Variants in MYO3B observed in about 807,000 individuals in gnomAD.
The protein encoded by MYO3B is myosin IIIB.
Under a neutral mutation model 174.6 loss-of-function variants are expected in MYO3B, and 156 were observed. That is an observed-to-expected ratio of 0.89 (90% CI 0.78 to 1.02). MYO3B has a LOEUF of 1.02. MYO3B is among the 50% of genes least tolerant of loss of function. The probability of loss-of-function intolerance (pLI) is 0.00; values close to 1 mark genes in which losing one functional copy is unlikely to be tolerated. For missense variants in MYO3B, 1,632 were observed against 1,639.4 expected (o/e 1.00, Z 0.08); for synonymous variants, 563 against 569.1 (o/e 0.99, Z 0.15).
intron 7 of MYO3B, among the ~76,000 whole-genome samples, chr2:170,294,854 T>A (rs987132194): frequency 1.3e-5 from 2 of 152,064 alleles, no homozygotes; most frequent in Non-Finnish European, 2.9e-5. Context: ...ATATTGAGAA[T>A]GGGGGAAGGC....
At chr2:170,573,249 A>G (rs941807307) in intron 32 of MYO3B, among the ~76,000 whole-genome samples, 8 of 144,716 alleles carry the variant, frequency 5.5e-5, no homozygotes, top group Non-Finnish European at 7.6e-5. Context: ...ATATATATAT[A>G]TGTATGCTAT....
intron 32 of MYO3B, among the ~76,000 whole-genome samples, chr2:170,546,787 G>A (rs1690521698): frequency 6.6e-6 from 1 of 152,128 alleles, no homozygotes; most frequent in Admixed American, 6.5e-5. Flanking sequence ...CCATGTTTTT[G>A]TGGAAGGCTG....
rs1181430309 is a variant in MYO3B at position 170,654,671 on chromosome 2, A to AAGAG, written c.*1551_*1552insGAGA. Reference sequence around the variant, plus strand: ...TCAAAAAAAAAAAAAAAAAAAAAAAAAAGAGATAGTATGCAAGAAGACACC... The same window carrying AAGAG: ...TCAAAAAAAAAAAAAAAAAAAAAAAAAGAGAAGAGATAGTATGCAAGAAGACACC... On this transcript the variant is annotated 3_prime_UTR_variant, in exon 35 of 35. Transcript: ENST00000408978. 6.6e-6 allele frequency: 1 copy of AAGAG among 150,906 alleles called. No homozygotes were observed. The highest frequency in any genetic ancestry group is 2.4e-5 in the African/African-American group (1 of 41,160). The allele number at this position is 150,906 out of a possible 1,614,324, so 9.3% of individuals were successfully genotyped here.
intron 32 of MYO3B, among the ~76,000 whole-genome samples, chr2:170,618,021 G>A (rs890857233): frequency 5.9e-5 from 9 of 152,296 alleles, no homozygotes; most frequent in Admixed American, 3.3e-4. Flanking sequence ...GATATCAAGT[G>A]TCCTAAAGGA....
At chr2:170,250,459 G>C (rs985707653) in intron 7 of MYO3B, among the ~76,000 whole-genome samples, 3 of 152,190 alleles carry the variant, frequency 2.0e-5, no homozygotes, top group African/African-American at 7.2e-5. Context: ...GACGTGACAG[G>C]GGTGTGGCTT....
At chr2:170,286,754 TTTTTCA>T (rs2093559148) in intron 7 of MYO3B, among the ~76,000 whole-genome samples, 1 of 152,128 alleles carries the variant, frequency 6.6e-6, no homozygotes, top group Non-Finnish European at 1.5e-5. Context: ...TTGTTCGTAT[TTTTTCA>T]TTTTATTTTT....
chr2:170,614,255 G>C (rs1695306329), intron 32 of MYO3B, among the ~76,000 whole-genome samples: 1 of 152,134 alleles, frequency 6.6e-6, no homozygotes, highest in Admixed American at 6.5e-5. Context: ...TTCTCACCTT[G>C]TAAGGTTGCT....
chr2:170,285,608 G>T (rs897055120), intron 7 of MYO3B, among the ~76,000 whole-genome samples: 9 of 151,978 alleles, frequency 5.9e-5, no homozygotes, highest in African/African-American at 1.9e-4. Flanking sequence ...TAGGTAATCC[G>T]CCTCCCTTGT....
intron 7 of MYO3B, among the ~76,000 whole-genome samples, chr2:170,323,170 C>T (rs757620454): frequency 1.1e-4 from 17 of 152,094 alleles, no homozygotes; most frequent in African/African-American, 3.6e-4. Context: ...TGAACTGTGA[C>T]GTTGGTCTTA....
intron 16 of MYO3B, among the ~76,000 whole-genome samples, chr2:170,397,678 G>T (rs1391847033): frequency 6.6e-6 from 1 of 152,066 alleles, no homozygotes. Context: ...TCTGGCACCA[G>T]CTGGGTGTCC....
intron 28 of MYO3B, among the ~76,000 whole-genome samples, chr2:170,502,501 A>G (rs1362222090): frequency 6.6e-6 from 1 of 152,048 alleles, no homozygotes; most frequent in Non-Finnish European, 1.5e-5. Context: ...TCGGCTTGCT[A>G]TTGGCAGCCT....
chr2:170,327,040 A>G (rs1287823542), intron 7 of MYO3B, among the ~76,000 whole-genome samples: 1 of 152,226 alleles, frequency 6.6e-6, no homozygotes, highest in Non-Finnish European at 1.5e-5. Context: ...TAACATTGCA[A>G]ATGGCATTAT....
intron 25 of MYO3B, among the ~76,000 whole-genome samples, chr2:170,482,602 G>A (rs189544478): frequency 2.6e-5 from 4 of 152,376 alleles, no homozygotes; most frequent in Non-Finnish European, 5.9e-5. Context: ...TCTCAGGTAT[G>A]TCTTTATCAG....
chr2:170,645,961 T>C (rs1698335397), intron 32 of MYO3B, among the ~76,000 whole-genome samples: 1 of 152,214 alleles, frequency 6.6e-6, no homozygotes, highest in East Asian at 1.9e-4. Context: ...ATCATGTTTC[T>C]AGCTTTTTTA....
intron 7 of MYO3B, among the ~76,000 whole-genome samples, chr2:170,312,580 G>A (rs2093747267): frequency 6.6e-6 from 1 of 152,266 alleles, no homozygotes. Context: ...ATCTAAGTTT[G>A]ATCTGAACCA....
At chr2:170,242,623 G>A (rs2093146885) in intron 7 of MYO3B, among the ~76,000 whole-genome samples, 1 of 152,212 alleles carries the variant, frequency 6.6e-6, no homozygotes, top group Admixed American at 6.5e-5. Flanking sequence ...TTGGGGATCA[G>A]GTGACAAAGC....
chr2:170,535,241 C>T (rs1445966547), intron 30 of MYO3B, among the ~76,000 whole-genome samples: 2 of 152,130 alleles, frequency 1.3e-5, no homozygotes, highest in Admixed American at 6.5e-5. Flanking sequence ...ACTTGGGAGC[C>T]GAATGACTGA....
At chr2:170,441,082 G>A (rs2094797723) in intron 22 of MYO3B, among the ~76,000 whole-genome samples, 1 of 152,152 alleles carries the variant, frequency 6.6e-6, no homozygotes, top group Non-Finnish European at 1.5e-5. Context: ...TTACAGGCGT[G>A]AGCCACCTCG....
chr2:170,217,750 T>C (rs1196171937), intron 6 of MYO3B, among the ~76,000 whole-genome samples: 1 of 152,216 alleles, frequency 6.6e-6, no homozygotes, highest in Non-Finnish European at 1.5e-5. Context: ...TATGGCTTTG[T>C]GAAGAGCCAG....
Sources: gnomAD v4.1 joint callset for allele counts (sites outside exome capture counted in the v4.1 genomes callset) on GRCh38, gnomAD v4.1.1 for gene constraint, MANE v1.5 for transcripts, NCBI Gene and HGNC (gene_info 2026-07-23, HGNC 2026-07-21) for gene names.